The following NTNG1 variants were observed in gnomAD, a reference collection of about 807,000 sequenced individuals.
NTNG1 encodes the protein netrin G1, also known as netrin-G1.
A neutral mutation model predicts 54.0 loss-of-function variants in NTNG1; 16 were observed. The ratio of observed to expected loss-of-function variants is 0.30; its 90% CI spans 0.20 to 0.45. NTNG1 has a LOEUF of 0.45. Among genes scored for constraint, NTNG1 ranks in the 20% least tolerant of loss-of-function variants. The pLI is 1.00. For missense variants in NTNG1, 530 were observed against 678.7 expected, an observed-to-expected ratio of 0.78 and a Z score of 2.43; for synonymous variants, 255 against 263.1, an observed-to-expected ratio of 0.97 and a Z score of 0.30.
rs544372357 is a variant in NTNG1 at position 107,147,300 on chromosome 1, A to G, written c.-525-769A>G. Among the ~76,000 whole-genome samples, 24 of 152,274 alleles carry G rather than the reference A, an allele frequency of 1.6e-4. No individual in the cohort carries two copies. The South Asian group carries it at 5.0e-3, about 32-fold the overall frequency. On this transcript the variant is annotated intron_variant, in intron 1 of 7. Transcript: ENST00000370068. ...TGCATTTTAAATTGTGCGTTTTACT[A>G]CAGAGCTTTTAGTTTTAAAGCAGCT... is the stretch of plus-strand genomic sequence containing the variant.
chr1:107,286,932 A>G (rs931680711), intron 2 of NTNG1, among the ~76,000 whole-genome samples: 1 of 152,302 alleles, frequency 6.6e-6, no homozygotes, highest in South Asian at 2.1e-4. Context: ...GCATATTCAA[A>G]TAATAACACT....
At chr1:107,350,487 T>A (rs1293254497) in intron 3 of NTNG1, among the ~76,000 whole-genome samples, 1 of 152,230 alleles carries the variant, frequency 6.6e-6, no homozygotes, top group Non-Finnish European at 1.5e-5. Context: ...ATCCTACTTC[T>A]GTGTATATAT....
In NTNG1 at chr1:107,174,742, A is replaced by AT. The variant is rs561651514; in HGVS notation, c.246+25916dup. Among the ~76,000 whole-genome samples, 327 of 146,432 alleles carry AT rather than the reference A, an allele frequency of 2.2e-3. 2 individuals are homozygous for AT. The highest frequency in any genetic ancestry group is 0.014 in the Middle Eastern group (4 of 280). ...CTACTTTTGGAGATGAAATTTAGAG[A>AT]TTTTTTTTTTTTTAGTTGTCTACCT... On this transcript the variant is annotated intron_variant, in intron 2 of 7. Coordinates refer to ENST00000370068, the MANE Select transcript of NTNG1 (RefSeq NM_001113226.3).
rs80124086 is a variant in NTNG1 at position 107,222,364 on chromosome 1, G to T, written c.246+73525G>T. Among the ~76,000 whole-genome samples, 288 of 152,190 alleles carry T rather than the reference G, an allele frequency of 1.9e-3. 8 individuals are homozygous for T. In the East Asian group the frequency reaches 0.039, roughly 21 times the overall value. On this transcript the variant is annotated intron_variant, in intron 2 of 7. Transcript: ENST00000370068. ...TTCTATATCCCGATTCTGCAATTCAGTACTAGAATGACTTTGGATGAGTTA... is the reference window on the plus strand; with the variant it reads ...TTCTATATCCCGATTCTGCAATTCATTACTAGAATGACTTTGGATGAGTTA...
chr1:107,149,164 G>T (rs1383946892), intron 2 of NTNG1, among the ~76,000 whole-genome samples: 2 of 152,194 alleles, frequency 1.3e-5, no homozygotes. Context: ...TTGGAAATAT[G>T]ATTAGGTCAT....
intron 2 of NTNG1, among the ~76,000 whole-genome samples, chr1:107,231,132 A>G (rs752280195): frequency 4.6e-5 from 7 of 152,234 alleles, no homozygotes; most frequent in Non-Finnish European, 1.0e-4. Flanking sequence ...CCTGCCTTGC[A>G]GATTTTACGC....
chr1:107,382,543 C>T lies in NTNG1; in HGVS notation c.888-12611C>T, dbSNP rs189575300. Among the ~76,000 whole-genome samples, 3 of 152,270 alleles carry T rather than the reference C, an allele frequency of 2.0e-5. No individual in the cohort carries two copies. In the East Asian group the frequency reaches 5.8e-4, roughly 29 times the overall value. Reference sequence around the variant, plus strand: ...TATAATTATGACAGTGTCAAGAAGTCCAGTAGTCACTATCTGGTTATTTTT... The same window carrying T: ...TATAATTATGACAGTGTCAAGAAGTTCAGTAGTCACTATCTGGTTATTTTT... On this transcript the variant is annotated intron_variant, in intron 3 of 7. Coordinates refer to ENST00000370068, the MANE Select transcript of NTNG1 (RefSeq NM_001113226.3).
intron 7 of NTNG1, among the ~76,000 whole-genome samples, chr1:107,465,751 T>C (rs1677564737): frequency 6.6e-6 from 1 of 152,166 alleles, no homozygotes; most frequent in Non-Finnish European, 1.5e-5. Context: ...ACAGAAAGAC[T>C]TCAGCTCTGA....
At chr1:107,402,091 G>C (rs1468598433) in intron 4 of NTNG1, among the ~76,000 whole-genome samples, 3 of 152,134 alleles carry the variant, frequency 2.0e-5, no homozygotes, top group African/African-American at 7.2e-5. Context: ...GTGGCCAACT[G>C]CCTGTCTATT....
chr1:107,417,337 C>G (rs761325869), intron 5 of NTNG1, among the ~76,000 whole-genome samples: 7 of 152,026 alleles, frequency 4.6e-5, no homozygotes, highest in Non-Finnish European at 1.0e-4. Flanking sequence ...GTCAGCTTTT[C>G]TAACAAATAT....
chr1:107,257,542 C>T (rs1663008927), intron 2 of NTNG1, among the ~76,000 whole-genome samples: 1 of 152,130 alleles, frequency 6.6e-6, no homozygotes, highest in Non-Finnish European at 1.5e-5. Context: ...TTTTGTATAT[C>T]TTAATGAATA....
At chr1:107,377,422 T>A (rs1671357215) in intron 3 of NTNG1, among the ~76,000 whole-genome samples, 1 of 152,186 alleles carries the variant, frequency 6.6e-6, no homozygotes, top group Non-Finnish European at 1.5e-5. Flanking sequence ...AGATTCTATT[T>A]CTTTAAGGGA....
intron 2 of NTNG1, among the ~76,000 whole-genome samples, chr1:107,160,865 A>C (rs77229826): frequency 0.019 from 2,861 of 152,216 alleles, 98 homozygotes; most frequent in African/African-American, 0.064. Context: ...CTCCACTTAA[A>C]AAACCTCAAA....
chr1:107,373,723 G>A (rs890214311), intron 3 of NTNG1, among the ~76,000 whole-genome samples: 3 of 119,712 alleles, frequency 2.5e-5, no homozygotes, highest in Admixed American at 1.6e-4. Flanking sequence ...TCAAGAGACA[G>A]GGTCTCACTC....
Position 107,148,585 on chromosome 1 carries a change from A to C in NTNG1, c.-9A>C. On this transcript the variant is annotated 5_prime_UTR_variant, in exon 2 of 8. Transcript: ENST00000370068. ...TTTAGTTTCCAAGAAGATTACAAAG[A>C]ATTTAGAGATGTATTTGTCAAGATT... 6.2e-7 allele frequency: 1 copy of C among 1,612,324 alleles called. No homozygotes were observed. The highest frequency in any genetic ancestry group is 1.3e-5 in the African/African-American group (1 of 74,916).
intron 2 of NTNG1, among the ~76,000 whole-genome samples, chr1:107,192,236 T>C (rs1325679062): frequency 6.7e-6 from 1 of 148,970 alleles, no homozygotes; most frequent in African/African-American, 2.6e-5. Flanking sequence ...TGTTTGTCTG[T>C]TATTGGTGTA....
chr1:107,397,670 C>T (rs533730556), intron 4 of NTNG1, among the ~76,000 whole-genome samples: 1 of 151,774 alleles, frequency 6.6e-6, no homozygotes, highest in Non-Finnish European at 1.5e-5. Context: ...TAGTTTTTTT[C>T]ATAAGACAGT....
intron 7 of NTNG1, among the ~76,000 whole-genome samples, chr1:107,478,959 ATAT>A (rs1421229102): frequency 3.3e-5 from 5 of 152,244 alleles, no homozygotes; most frequent in Admixed American, 6.5e-5. Context: ...TGTGGTTCTA[ATAT>A]TATGATTTCT....
intron 2 of NTNG1, among the ~76,000 whole-genome samples, chr1:107,161,471 G>T (rs1409351006): frequency 6.6e-6 from 1 of 151,924 alleles, no homozygotes; most frequent in Admixed American, 6.6e-5. Flanking sequence ...GACCAACCTG[G>T]CCAACATGGC....
Sources: gnomAD v4.1 joint callset for allele counts (sites outside exome capture counted in the v4.1 genomes callset) on GRCh38, gnomAD v4.1.1 for gene constraint, MANE v1.5 for transcripts, NCBI Gene and HGNC (gene_info 2026-07-23, HGNC 2026-07-21) for gene names.